Variants in COL5A1 observed in about 807,000 individuals in gnomAD.
COL5A1 encodes collagen alpha-1(V) chain.
Under a neutral mutation model 263.7 loss-of-function variants are expected in COL5A1, and 16 were observed. The observed-to-expected ratio is 0.06, with a 90% CI of 0.04 to 0.09. The LOEUF (loss-of-function observed/expected upper bound fraction) is 0.09. Among genes scored for constraint, COL5A1 ranks in the 10% least tolerant of loss-of-function variants. The pLI is 1.00. For synonymous variants in COL5A1, 1,012 were observed against 1,004.5 expected (o/e 1.01, Z -0.14); for missense variants, 2,036 against 2,540.5 (o/e 0.80, Z 4.27).
At chr9:134,806,039 C>T in intron 41 of COL5A1, 150 bp from the exon 42 acceptor site, 1 of 674,664 alleles carries the variant, frequency 1.5e-6, no homozygotes, top group South Asian at 1.7e-5. Flanking sequence ...GAACGCTAGA[C>T]CAGGTAGTCT....
rs374204025 is a variant in COL5A1 at position 134,750,575 on chromosome 9, G to A, written c.1528G>A (p.Asp510Asn). The change falls in exon 12 of 66, where the codon GAT (aspartate) becomes AAT (asparagine). Residue 510 changes from aspartate to asparagine, a missense_variant. Around this residue, in one of 3 missense-constraint regions of COL5A1, gnomAD observed 1,078 missense variants for 1,521.4 expected, o/e 0.71. Coordinates refer to ENST00000371817, the MANE Select transcript of COL5A1 (RefSeq NM_000093.5). ...TGGACGCCCAGGCCTTCCTGGGGCC[G>A]ATGGCCTGCCCGGTCCTCCAGGAAC... The part of the protein sequence containing the change: ...PPGRPGLPGA[D>N]GLPGPPGTML... The A allele has an allele frequency of 5.4e-5, 87 of 1,613,434 alleles. No individual in the cohort carries two copies. Among genetic ancestry groups the A allele is most frequent in the East Asian group, 6.7e-5 (3 of 44,868 alleles).
At chr9:134,726,863 A>G (rs548854818) in intron 4 of COL5A1, among the ~76,000 whole-genome samples, 1 of 148,828 alleles carries the variant, frequency 6.7e-6, no homozygotes, top group East Asian at 2.0e-4. Flanking sequence ...TGGTTTATGG[A>G]TGGATGGATA....
At chr9:134,748,110 C>G (rs546090815) in intron 11 of COL5A1, among the ~76,000 whole-genome samples, 10 of 79,622 alleles carry the variant, frequency 1.3e-4, no homozygotes, top group African/African-American at 4.7e-4. Flanking sequence ...TCCACACATG[C>G]ATACACAGAC....
intron 25 of COL5A1, among the ~76,000 whole-genome samples, chr9:134,770,930 A>G (rs1836845888): frequency 6.6e-6 from 1 of 152,070 alleles, no homozygotes; most frequent in Non-Finnish European, 1.5e-5. Flanking sequence ...CCACTGCTTT[A>G]CTCTCATTCT....
intron 21 of COL5A1, 132 bp from the exon 22 acceptor site, chr9:134,766,322 C>A (rs1416592668): frequency 1.0e-5 from 9 of 869,092 alleles, no homozygotes; most frequent in South Asian, 1.4e-5. Flanking sequence ...CCTTCCCTTC[C>A]CCAGAGAGCA....
At position 134,742,376 on chromosome 9, in the gene COL5A1, G is replaced by A. The variant is rs1835335912; in HGVS notation, c.1494+3568G>A. Among the ~76,000 whole-genome samples, 1 of 152,194 alleles carries A rather than the reference G, an allele frequency of 6.6e-6. No homozygotes were observed. Among genetic ancestry groups the A allele is most frequent in the Non-Finnish European group, 1.5e-5 (1 of 68,044 alleles). ...GAATTAATTAGTAAAGGCATTGGAG[G>A]AAGAGCTGGGAATCCCGAGATGGGA... On this transcript the variant is annotated intron_variant, in intron 11 of 65. Transcript: ENST00000371817. This position sits in a 1 kb window ranked among gnomAD's most constrained non-coding sequence, Gnocchi z 4.6.
rs1410341757 is a variant in COL5A1, at chr9:134,681,117, G to A, written c.110-9795G>A. Among the ~76,000 whole-genome samples, 2 of 152,126 alleles carry A rather than the reference G, an allele frequency of 1.3e-5. No homozygotes were observed. The highest frequency in any genetic ancestry group is 2.4e-5 in the African/African-American group (1 of 41,418). On this transcript the variant is annotated intron_variant, in intron 1 of 65. Coordinates refer to ENST00000371817, the MANE Select transcript of COL5A1 (RefSeq NM_000093.5). The surrounding 1 kb of genome is among the most constrained non-coding windows in gnomAD (Gnocchi z 4.3). The stretch of plus-strand genomic sequence containing the variant: ...AGCCTCCAGAGCGCCTCTGTTTTTC[G>A]ACCTGCTGGGTTGACCTCACTGATG...
At position 134,820,071 on chromosome 9, in the gene COL5A1, G is replaced by A. The variant is rs3811147; in HGVS notation, c.4447-45G>A. ...CTGGCCCACCGTGGCCGAGCATGAGGCGTGGCTCCCTCAAATGCCCCTTCC... is the reference window on the plus strand; with the variant it reads ...CTGGCCCACCGTGGCCGAGCATGAGACGTGGCTCCCTCAAATGCCCCTTCC... On this transcript the variant is annotated intron_variant, in intron 57 of 65. Coordinates refer to ENST00000371817, the MANE Select transcript of COL5A1 (RefSeq NM_000093.5). The A allele has an allele frequency of 0.016, 23,285 of 1,463,016 alleles. 1,017 individuals are homozygous for A. The highest frequency in any genetic ancestry group is 0.13 in the African/African-American group (9,462 of 71,870). 90.6% of individuals were successfully genotyped at this position (1,463,016 alleles called of 1,614,324 possible).
intron 50 of COL5A1, 146 bp downstream of exon 50, chr9:134,815,050 G>A (rs1838688498): frequency 3.1e-6 from 2 of 642,582 alleles, no homozygotes; most frequent in Non-Finnish European, 2.7e-6. Flanking sequence ...AGACACTAGA[G>A]GTTTTCATAC....
rs863223477 is a variant in COL5A1 at position 134,756,777 on chromosome 9, A to C, written c.1840A>C (p.Ser614Arg). 2 of 1,613,702 alleles carry C rather than the reference A, an allele frequency of 1.2e-6. No homozygotes were observed. The highest frequency in any genetic ancestry group is 1.7e-6 in the Non-Finnish European group (2 of 1,180,018). The change falls in exon 17 of 66, where the codon AGT (serine) becomes CGT (arginine). Residue 614 changes from serine (S) to arginine (R), a missense_variant. Transcript: ENST00000371817. ...GKPGRRGRAG[S>R]DGARGMPGQT... ...TCCTTTGTTCCAGGGTCGGGCTGGGAGTGATGGAGCCAGAGGAATGCCTGG... is the reference window on the plus strand; with the variant it reads ...TCCTTTGTTCCAGGGTCGGGCTGGGCGTGATGGAGCCAGAGGAATGCCTGG...
intron 65 of COL5A1, among the ~76,000 whole-genome samples, chr9:134,839,012 G>A (rs552596752): frequency 4.6e-5 from 7 of 152,352 alleles, no homozygotes; most frequent in South Asian, 4.1e-4. Flanking sequence ...ATTTAATTAC[G>A]GAGGCTGCTG....
At chr9:134,828,361 G>A (rs1839381778) in intron 63 of COL5A1, among the ~76,000 whole-genome samples, 1 of 152,096 alleles carries the variant, frequency 6.6e-6, no homozygotes, top group Non-Finnish European at 1.5e-5. Context: ...AGCGTGAGCT[G>A]GCTGCACATG....
intron 18 of COL5A1, among the ~76,000 whole-genome samples, chr9:134,759,447 CCACA>C (rs748083870): frequency 6.2e-5 from 6 of 96,838 alleles, no homozygotes; most frequent in Admixed American, 2.2e-4. Flanking sequence ...ACACCCACAC[CCACA>C]CACTCATACA....
intron 46 of COL5A1, among the ~76,000 whole-genome samples, 180 bp downstream of exon 46, chr9:134,811,779 C>T (rs190267998): frequency 1.7e-4 from 26 of 152,322 alleles, no homozygotes; most frequent in African/African-American, 4.6e-4. Context: ...CAGACATGCC[C>T]GCATTTACCA....
intron 31 of COL5A1, among the ~76,000 whole-genome samples, chr9:134,788,650 CAGAT>C (rs1837558142): frequency 1.4e-5 from 2 of 146,472 alleles, no homozygotes; most frequent in African/African-American, 2.6e-5. Context: ...GATGGATAGA[CAGAT>C]AGATGGATAG....
At chr9:134,784,385 G>A (rs1224543151) in intron 29 of COL5A1, among the ~76,000 whole-genome samples, 1 of 152,242 alleles carries the variant, frequency 6.6e-6, no homozygotes, top group East Asian at 1.9e-4. Context: ...CTGCCGTAGC[G>A]CTACCATTGC....
chr9:134,694,861 C>T (rs923399481), intron 2 of COL5A1, among the ~76,000 whole-genome samples: 2 of 152,162 alleles, frequency 1.3e-5, no homozygotes, highest in Non-Finnish European at 2.9e-5. Flanking sequence ...TGGCCTGAGA[C>T]CCTGAAGGCA....
At chr9:134,802,080 G>T (rs372818182) in intron 38 of COL5A1, 73 bp downstream of exon 38, 1 of 1,450,646 alleles carries the variant, frequency 6.9e-7, no homozygotes, top group African/African-American at 1.4e-5. Flanking sequence ...GTCCCAGCCC[G>T]GGCATCTGTT....
intron 4 of COL5A1, among the ~76,000 whole-genome samples, chr9:134,721,653 T>C (rs1297962324): frequency 6.6e-6 from 1 of 152,148 alleles, no homozygotes; most frequent in Non-Finnish European, 1.5e-5. Flanking sequence ...CCAGTCCTTG[T>C]GGGGGTGCAG....
Sources: gnomAD v4.1 joint callset for allele counts (sites outside exome capture counted in the v4.1 genomes callset) on GRCh38, gnomAD v4.1.1 for gene constraint, gnomAD v4.1.1 regional missense constraint, Gnocchi (gnomAD v3.1) non-coding constraint, MANE v1.5 for transcripts, NCBI Gene and HGNC (gene_info 2026-07-23, HGNC 2026-07-21) for gene names.